Variants in GRID2 observed in about 807,000 individuals in gnomAD.
The protein encoded by GRID2 is glutamate receptor ionotropic, delta-2.
A neutral mutation model predicts 114.8 loss-of-function variants in GRID2; 33 were observed. That is an observed-to-expected ratio of 0.29 (90% confidence interval 0.22 to 0.38). GRID2 has a LOEUF of 0.38. GRID2 is among the 10% of genes least tolerant of loss of function. The pLI is 1.00. For synonymous variants in GRID2, 505 were observed against 449.9 expected, an observed-to-expected ratio of 1.12 and a Z score of -1.55; for missense variants, 1,184 against 1,257.7, an observed-to-expected ratio of 0.94 and a Z score of 0.89.
At chr4:92,794,905 T>TATATATATATACACACACACAC (rs745392261) in intron 2 of GRID2, among the ~76,000 whole-genome samples, 2 of 127,806 alleles carry the variant, frequency 1.6e-5, no homozygotes, top group South Asian at 2.5e-4. Context: ...TATATATATA[T>TATATATATATACACACACACAC]ACACACACAC....
At chr4:92,734,771 G>GTTT (rs1347483850) in intron 2 of GRID2, among the ~76,000 whole-genome samples, 1 of 137,752 alleles carries the variant, frequency 7.3e-6, no homozygotes, top group African/African-American at 2.7e-5. Flanking sequence ...CTTTTTTTTA[G>GTTT]TTTTTTTTTT....
chr4:92,318,196 G>A (rs1726099485), intron 1 of GRID2, among the ~76,000 whole-genome samples: 1 of 151,370 alleles, frequency 6.6e-6, no homozygotes, highest in Admixed American at 6.6e-5. Flanking sequence ...AAGGGAAGGT[G>A]ATGTGATGGA....
intron 8 of GRID2, among the ~76,000 whole-genome samples, chr4:93,251,386 T>C (rs1180249713): frequency 1.3e-5 from 2 of 152,174 alleles, no homozygotes; most frequent in African/African-American, 4.8e-5. Context: ...CAAAAATTGA[T>C]TTATTTCCAG....
intron 13 of GRID2, among the ~76,000 whole-genome samples, chr4:93,518,922 AG>A (rs1306083395): frequency 6.6e-6 from 1 of 152,120 alleles, no homozygotes; most frequent in East Asian, 1.9e-4. Context: ...AAGTGCAACA[AG>A]GTCAAGAGGT....
At chr4:93,435,065 C>T (rs1720940809) in intron 10 of GRID2, among the ~76,000 whole-genome samples, 1 of 151,296 alleles carries the variant, frequency 6.6e-6, no homozygotes, top group South Asian at 2.1e-4. Context: ...CTCTCTTATT[C>T]TGTTTTATTG....
At chr4:92,315,515 G>C (rs1725921347) in intron 1 of GRID2, among the ~76,000 whole-genome samples, 1 of 152,104 alleles carries the variant, frequency 6.6e-6, no homozygotes, top group Non-Finnish European at 1.5e-5. Context: ...AGGAAATGCT[G>C]CGTGGACTTA....
chr4:92,380,478 C>T (rs4693294), intron 1 of GRID2, among the ~76,000 whole-genome samples: 49,409 of 151,674 alleles, frequency 0.33, 9,133 homozygotes, highest in East Asian at 0.7. Context: ...TTTCTTTCCT[C>T]CCCCAACTCC....
At chr4:93,122,190 A>C (rs974219670) in intron 4 of GRID2, among the ~76,000 whole-genome samples, 4 of 152,194 alleles carry the variant, frequency 2.6e-5, no homozygotes, top group South Asian at 2.1e-4. Context: ...GAAGATCTAC[A>C]TACAAGGTTT....
intron 2 of GRID2, among the ~76,000 whole-genome samples, chr4:92,699,986 G>A (rs1180325020): frequency 2.0e-5 from 3 of 152,142 alleles, no homozygotes; most frequent in Non-Finnish European, 2.9e-5. Context: ...TCTTTAATGT[G>A]TACTTTAAGA....
intron 10 of GRID2, among the ~76,000 whole-genome samples, chr4:93,435,653 G>C (rs1292177551): frequency 6.6e-6 from 1 of 152,144 alleles, no homozygotes; most frequent in Non-Finnish European, 1.5e-5. Flanking sequence ...TGATGAAATA[G>C]ATAGTTAATA....
chr4:93,301,259 T>C (rs1020392356), intron 8 of GRID2, among the ~76,000 whole-genome samples: 4 of 152,198 alleles, frequency 2.6e-5, no homozygotes, highest in African/African-American at 9.6e-5. Flanking sequence ...CCAAATAAGC[T>C]CTTTTTGACA....
chr4:93,201,828 C>G, intron 4 of GRID2, among the ~76,000 whole-genome samples: 1 of 152,116 alleles, frequency 6.6e-6, no homozygotes, highest in East Asian at 1.9e-4. Context: ...GATAAATTGT[C>G]GAGCTTTTCC....
chr4:92,845,326 C>G (rs7690961), intron 2 of GRID2, among the ~76,000 whole-genome samples: 2,040 of 152,172 alleles, frequency 0.013, 40 homozygotes, highest in African/African-American at 0.045. Flanking sequence ...CCTGTCTTTA[C>G]TTTTTGAGTT....
At chr4:93,680,389 A>G (rs1725394766) in intron 14 of GRID2, among the ~76,000 whole-genome samples, 1 of 151,820 alleles carries the variant, frequency 6.6e-6, no homozygotes, top group South Asian at 2.1e-4. Flanking sequence ...AGCTATTCCA[A>G]TCAATAGAAA....
chr4:92,793,057 A>G (rs1474996198), intron 2 of GRID2, among the ~76,000 whole-genome samples: 2 of 151,734 alleles, frequency 1.3e-5, no homozygotes, highest in African/African-American at 2.4e-5. Context: ...AAGATTTTTT[A>G]TATTTTAAAG....
intron 13 of GRID2, among the ~76,000 whole-genome samples, chr4:93,559,320 T>A (rs1212758768): frequency 1.3e-5 from 2 of 151,998 alleles, no homozygotes; most frequent in Admixed American, 6.6e-5. Context: ...TGGGAGAAAA[T>A]TTTTGCAATC....
chr4:92,857,967 T>A (rs1405100334), intron 2 of GRID2, among the ~76,000 whole-genome samples: 1 of 152,242 alleles, frequency 6.6e-6, no homozygotes, highest in East Asian at 1.9e-4. Context: ...ATTATGCCTG[T>A]GTTCTATAAA....
At chr4:93,714,159 G>A (rs907335089) in intron 14 of GRID2, among the ~76,000 whole-genome samples, 3 of 151,726 alleles carry the variant, frequency 2.0e-5, no homozygotes, top group Non-Finnish European at 2.9e-5. Flanking sequence ...CTCATTGTTC[G>A]GTTCCCACAT....
chr4:93,785,211 G>C (rs1017467370), intron 1 of GRID2, among the ~76,000 whole-genome samples: 1 of 152,166 alleles, frequency 6.6e-6, no homozygotes, highest in Non-Finnish European at 1.5e-5. Context: ...TTTGAGTTTC[G>C]TACCTTTTAC....
Sources: gnomAD v4.1 joint callset for allele counts (sites outside exome capture counted in the v4.1 genomes callset) on GRCh38, gnomAD v4.1.1 for gene constraint, MANE v1.5 for transcripts, NCBI Gene and HGNC (gene_info 2026-07-23, HGNC 2026-07-21) for gene names.